The following SMC1B variants were observed in gnomAD, a reference collection of about 807,000 sequenced individuals.
SMC1B encodes structural maintenance of chromosomes 1B, also known as structural maintenance of chromosomes protein 1B.
In SMC1B, 60 loss-of-function variants were observed where a neutral mutation model predicts 157.9. The ratio of observed to expected loss-of-function variants is 0.38; its 90% CI spans 0.31 to 0.47. The LOEUF is 0.47. Ranked by LOEUF, SMC1B falls within the 20% of genes least tolerant of loss-of-function variation. The pLI is 0.99. For missense variants in SMC1B, 1,165 were observed against 1,426.2 expected, an observed-to-expected ratio of 0.82 and a Z score of 2.95; for synonymous variants, 445 against 483.0, an observed-to-expected ratio of 0.92 and a Z score of 1.03.
chr22:45,371,468 G>T lies in SMC1B; in HGVS notation c.2313+3C>A. 1.9e-6 allele frequency: 3 copies of T among 1,588,276 alleles called. No homozygotes were observed. The highest frequency in any genetic ancestry group is 2.4e-5 in the South Asian group (2 of 85,072). ...ATTTAGGAATAAATATAACATTCAT[G>T]ACCTTATCTATCTTTTCTTGAAATT... On this transcript the variant is annotated splice_donor_region_variant and intron_variant, in intron 14 of 24. Transcript: ENST00000357450.
intron 21 of SMC1B, 132 bp from the exon 22 acceptor site, chr22:45,352,734 T>C: frequency 1.2e-6 from 1 of 857,270 alleles, no homozygotes; most frequent in Non-Finnish European, 1.8e-6. Context: ...TGCCTATAAA[T>C]AATGTATTTA....
Position 45,386,941 on chromosome 22 carries a change from A to G in SMC1B, c.1837T>C (p.Cys613Arg). The G allele has an allele frequency of 6.2e-7, 1 of 1,614,118 alleles. No individual in the cohort carries two copies. Among genetic ancestry groups the G allele is most frequent in the Non-Finnish European group, 8.5e-7 (1 of 1,180,022 alleles). ...PQLKKVIQFV[C>R]GNGLVCETME... ...GTCTCACAAACAAGACCATTTCCAC[A>G]CACAAACTGAATCACTTTCTTCAGC... The change falls in exon 11 of 25, where the codon TGT becomes CGT. Residue 613 changes from cysteine to arginine, a missense_variant. Cys to Arg is a radical substitution (Grantham distance 180). Coordinates refer to ENST00000357450, the MANE Select transcript of SMC1B (RefSeq NM_148674.5).
intron 5 of SMC1B, among the ~76,000 whole-genome samples, chr22:45,401,170 A>C (rs146338954): frequency 6.6e-6 from 1 of 152,232 alleles, no homozygotes; most frequent in African/African-American, 2.4e-5. Flanking sequence ...GTAAGATATT[A>C]ATAATAGGAG....
rs202176565 is a variant in SMC1B, at chr22:45,383,427, T to C, written c.2058+40A>G. ...CCCACCTAGTTTAAAAACACAATTA[T>C]TCTACTTAGTATATTACAACTTTTA... On this transcript the variant is annotated intron_variant, in intron 12 of 24. Transcript: ENST00000357450. The C allele has an allele frequency of 4.8e-4, 713 of 1,471,546 alleles. 11 individuals carry two copies. In the South Asian group the frequency reaches 0.01, roughly 21 times the overall value. 91.2% of individuals were successfully genotyped at this position (1,471,546 alleles called of 1,614,324 possible). A position where few individuals can be genotyped will look rare whatever the true frequency, so the allele number is the denominator to read the frequency against.
chr22:45,408,732 T>C lies in SMC1B; in HGVS notation c.276A>G (p.Lys92=). The change falls in exon 2 of 25, where the codon AAA becomes AAG. Residue 92 remains lysine (K), a synonymous_variant. Coordinates refer to ENST00000357450, the MANE Select transcript of SMC1B (RefSeq NM_148674.5). The part of the protein sequence containing the change: ...IIYVEESGEE[K]TFARIIRGGC... ...TACCTCGGATAATCCTTGCAAATGT[T>C]TTCTCTTCGCCACTTTCCTCCACAT... is the stretch of plus-strand genomic sequence containing the variant. 2 of 1,594,710 alleles carry C rather than the reference T, an allele frequency of 1.3e-6. No homozygotes were observed. Among genetic ancestry groups the C allele is most frequent in the Non-Finnish European group, 1.7e-6 (2 of 1,174,102 alleles).
rs939836869 is a variant in SMC1B at position 45,358,021 on chromosome 22, A to G, written c.2961+676T>C. 8.5e-5 allele frequency among the ~76,000 whole-genome samples: 13 copies of G among 152,138 alleles called. No homozygotes were observed. The East Asian group carries it at 2.5e-3, about 29-fold the overall frequency. On this transcript the variant is annotated intron_variant, in intron 19 of 24. Transcript: ENST00000357450. The stretch of plus-strand genomic sequence containing the variant: ...GAGGCTGGATCACCAATTGCCCATG[A>G]TTTATCAATCATGTATGTAATGAAC...
Position 45,402,432 on chromosome 22 carries a change from T to C in SMC1B, c.755A>G (p.Lys252Arg), listed in dbSNP as rs555757923. ...TTCATGATGAGACAAAGACTCTCTT[T>C]TGACACTCAAATCCCTATTCACATG... ...LEHVNRDLSV[K>R]RESLSHHENI... Residue 252 changes from lysine to arginine, a missense_variant, in exon 5 of 25, where the codon AAA becomes AGA. Coordinates refer to ENST00000357450, the MANE Select transcript of SMC1B (RefSeq NM_148674.5). 1.2e-6 allele frequency: 2 copies of C among 1,613,896 alleles called. No individual in the cohort carries two copies. The highest frequency in any genetic ancestry group is 1.7e-6 in the Non-Finnish European group (2 of 1,179,958).
rs781373446 is a variant in SMC1B at position 45,393,729 on chromosome 22, A to G, written c.1450T>C (p.Leu484=). 8 of 1,614,006 alleles carry G rather than the reference A, an allele frequency of 5.0e-6. No individual in the cohort carries two copies. In the South Asian group the frequency reaches 7.7e-5, roughly 16 times the overall value. ...TGGGTATCAATCCCAGCATTCTGCAATTCACTTCTAATAAGATTCAATTCT... is the reference window on the plus strand; with the variant it reads ...TGGGTATCAATCCCAGCATTCTGCAGTTCACTTCTAATAAGATTCAATTCT... ...NEELNLIRSE[L]QNAGIDTHEG... The change falls in exon 9 of 25, where the codon TTG becomes CTG. Residue 484 remains leucine (L), a synonymous_variant. Coordinates refer to ENST00000357450, the MANE Select transcript of SMC1B (RefSeq NM_148674.5).
chr22:45,383,330 T>C (rs2086956383), intron 12 of SMC1B, 137 bp downstream of exon 12: 2 of 571,742 alleles, frequency 3.5e-6, no homozygotes, highest in African/African-American at 2.0e-5. Context: ...AAGATTTTTA[T>C]TTTTTATTTT....
chr22:45,412,477 G>C (rs1476187152), intron 1 of SMC1B, among the ~76,000 whole-genome samples: 1 of 145,766 alleles, frequency 6.9e-6, no homozygotes, highest in African/African-American at 2.6e-5. Context: ...GGAATTACAG[G>C]TGTGAGCCAC....
At chr22:45,388,100 G>A (rs1181436425) in intron 10 of SMC1B, among the ~76,000 whole-genome samples, 2 of 151,474 alleles carry the variant, frequency 1.3e-5, no homozygotes, top group African/African-American at 4.8e-5. Context: ...AAAGCCTTCA[G>A]AGCTTCTTAG....
chr22:45,354,614 C>T (rs1248793225), intron 20 of SMC1B, among the ~76,000 whole-genome samples: 1 of 152,128 alleles, frequency 6.6e-6, no homozygotes, highest in Non-Finnish European at 1.5e-5. Context: ...TGGTCTTGAA[C>T]TCCTGACCTC....
intron 12 of SMC1B, 27 bp downstream of exon 12, chr22:45,383,440 A>G: frequency 1.3e-6 from 2 of 1,558,094 alleles, no homozygotes; most frequent in South Asian, 2.5e-5. Context: ...TACTTAGTAT[A>G]TTACAACTTT....
chr22:45,379,131 G>A (rs746148213), intron 12 of SMC1B, among the ~76,000 whole-genome samples: 1 of 152,122 alleles, frequency 6.6e-6, no homozygotes, highest in Non-Finnish European at 1.5e-5. Flanking sequence ...GCAGGTGCGT[G>A]CCACCAAGCC....
chr22:45,382,740 C>T (rs544137162), intron 12 of SMC1B, among the ~76,000 whole-genome samples: 13 of 152,156 alleles, frequency 8.5e-5, no homozygotes, highest in African/African-American at 3.1e-4. Context: ...AAACAATGTA[C>T]TAGAAAAATG....
At chr22:45,371,176 T>A (rs2086827334) in intron 14 of SMC1B, among the ~76,000 whole-genome samples, 1 of 152,096 alleles carries the variant, frequency 6.6e-6, no homozygotes, top group Non-Finnish European at 1.5e-5. Flanking sequence ...TCCCTCATGG[T>A]ATTAGGGAAG....
At chr22:45,379,483 T>G (rs2086914388) in intron 12 of SMC1B, among the ~76,000 whole-genome samples, 1 of 152,144 alleles carries the variant, frequency 6.6e-6, no homozygotes, top group Non-Finnish European at 1.5e-5. Context: ...TTTGTCCCTG[T>G]GTTAGCTTGG....
intron 21 of SMC1B, 81 bp downstream of exon 21, chr22:45,353,893 CAAAA>C (rs3833396): frequency 1.8e-3 from 442 of 246,456 alleles, no homozygotes; most frequent in Middle Eastern, 2.4e-3. Context: ...TATTTCCCAC[CAAAA>C]AAAAAAAAAA....
At chr22:45,354,900 G>A in intron 20 of SMC1B, 59 bp downstream of exon 20, 2 of 1,534,944 alleles carry the variant, frequency 1.3e-6, no homozygotes, top group Non-Finnish European at 1.8e-6. Flanking sequence ...GTTGGCAAAT[G>A]TTATAGCAAT....
Sources: allele counts gnomAD v4.1 joint callset (sites outside exome capture counted in the v4.1 genomes callset), GRCh38; gene constraint gnomAD v4.1.1; transcripts MANE v1.5; gene names NCBI Gene and HGNC (gene_info 2026-07-23, HGNC 2026-07-21).